The following PIK3CB variants were observed in gnomAD, a reference collection of about 807,000 sequenced individuals.
The protein encoded by PIK3CB is phosphatidylinositol-4,5-bisphosphate 3-kinase catalytic subunit beta, also known as phosphatidylinositol 4,5-bisphosphate 3-kinase catalytic subunit beta isoform.
In PIK3CB, 39 loss-of-function variants were observed where a neutral mutation model predicts 136.8. The ratio of observed to expected loss-of-function variants is 0.29; its 90% CI spans 0.22 to 0.37. The LOEUF is 0.37. PIK3CB is among the 10% of genes least tolerant of loss of function. The pLI is 1.00. For synonymous variants in PIK3CB, 428 were observed against 436.6 expected (o/e 0.98, Z 0.25); for missense variants, 868 against 1,275.4 (o/e 0.68, Z 4.87).
rs757855105 is a variant in PIK3CB at position 138,734,760 on chromosome 3, T to C, written c.846A>G (p.Ile282Met). Reference protein sequence around the residue: ...CVMNRALPHFILVECCKIKKM... With the variant: ...CVMNRALPHFMLVECCKIKKM... ...TCTTGATCTTGCAGCATTCCACAAG[T>C]ATAAAATGGGGCAGGGCTCTGTTCA... Residue 282 changes from isoleucine to methionine, a missense_variant, in exon 7 of 24, where the codon ATA becomes ATG. Ile to Met is a conservative substitution (Grantham distance 10, BLOSUM62 1). Transcript: ENST00000674063. 6 of 1,613,356 alleles carry C rather than the reference T, an allele frequency of 3.7e-6. No individual in the cohort carries two copies. The African/African-American group carries it at 5.3e-5, about 14-fold the overall frequency.
At chr3:138,669,969 TA>T (rs1003142108) in intron 19 of PIK3CB, among the ~76,000 whole-genome samples, 1 of 151,652 alleles carries the variant, frequency 6.6e-6, no homozygotes, top group African/African-American at 2.4e-5. Flanking sequence ...GAAATGAACT[TA>T]AAAAAAAATT....
At chr3:138,819,144 C>A (rs1352103492) in intron 1 of PIK3CB, among the ~76,000 whole-genome samples, 3 of 152,088 alleles carry the variant, frequency 2.0e-5, no homozygotes, top group Non-Finnish European at 4.4e-5. Context: ...GTCTGGAGAT[C>A]GAGACCATCC....
chr3:138,655,894 T>G, intron 23 of PIK3CB, among the ~76,000 whole-genome samples: 1 of 152,104 alleles, frequency 6.6e-6, no homozygotes, highest in East Asian at 1.9e-4. Flanking sequence ...GTAATGTGAG[T>G]AAGAAGGCTA....
At chr3:138,759,481 G>T in intron 2 of PIK3CB, 122 bp from the exon 3 acceptor site, 1 of 562,662 alleles carries the variant, frequency 1.8e-6, no homozygotes. Flanking sequence ...AATGTAACAG[G>T]AGGCCAATTA....
intron 1 of PIK3CB, among the ~76,000 whole-genome samples, chr3:138,833,287 GA>G (rs1473250046): frequency 6.6e-6 from 1 of 151,696 alleles, no homozygotes; most frequent in African/African-American, 2.4e-5. Context: ...GGCTGGTGTC[GA>G]ACTCCTGGAA....
chr3:138,686,592 A>G (rs1018748820), intron 16 of PIK3CB, among the ~76,000 whole-genome samples: 3 of 152,208 alleles, frequency 2.0e-5, no homozygotes, highest in Non-Finnish European at 4.4e-5. Flanking sequence ...TATATCATTA[A>G]AACTGGAAAA....
intron 8 of PIK3CB, among the ~76,000 whole-genome samples, chr3:138,727,811 A>G (rs1690171377): frequency 6.6e-6 from 1 of 152,198 alleles, no homozygotes; most frequent in South Asian, 2.1e-4. Flanking sequence ...AAATCTGTCT[A>G]CCATACCCAT....
intron 19 of PIK3CB, among the ~76,000 whole-genome samples, chr3:138,677,664 A>G (rs1014304611): frequency 7.2e-5 from 11 of 152,322 alleles, no homozygotes; most frequent in African/African-American, 2.4e-4. Context: ...TGGGAGGCCA[A>G]GGCGGGCGGA....
intron 1 of PIK3CB, among the ~76,000 whole-genome samples, chr3:138,804,842 G>GT (rs1297769569): frequency 6.6e-6 from 1 of 151,928 alleles, no homozygotes; most frequent in East Asian, 1.9e-4. Flanking sequence ...GGCTAACATG[G>GT]TGAAACCCCG....
chr3:138,723,507 G>T (rs955543903), intron 8 of PIK3CB, among the ~76,000 whole-genome samples: 3 of 152,106 alleles, frequency 2.0e-5, no homozygotes, highest in Admixed American at 1.3e-4. Flanking sequence ...GCCAAGACGT[G>T]TCACTGCACT....
intron 19 of PIK3CB, among the ~76,000 whole-genome samples, chr3:138,679,172 A>C (rs2108469546): frequency 6.6e-6 from 1 of 152,324 alleles, no homozygotes; most frequent in South Asian, 2.1e-4. Flanking sequence ...TTATAATAGG[A>C]GCTTGTAACA....
intron 1 of PIK3CB, among the ~76,000 whole-genome samples, chr3:138,827,967 G>A (rs1384686591): frequency 6.6e-6 from 1 of 151,588 alleles, no homozygotes; most frequent in Admixed American, 6.6e-5. Flanking sequence ...CAACCTGGGT[G>A]ACAGAGCGAG....
rs376905725 is a variant in PIK3CB at position 138,688,912 on chromosome 3, C to T, written c.2099G>A (p.Arg700Gln). 26 of 1,613,394 alleles carry T rather than the reference C, an allele frequency of 1.6e-5. No individual in the cohort carries two copies. The highest frequency in any genetic ancestry group is 5.0e-5 in the Admixed American group (3 of 59,992). ...CACTTTCATGTGCCCCACACTTCCC[C>T]GGCAGTATGCTTCAAGGATGACACC... ...QFGVILEAYC[R>Q]GSVGHMKVLS... The change falls in exon 16 of 24, where the codon CGG (arginine) becomes CAG (glutamine). Residue 700 changes from arginine to glutamine, a missense_variant. Transcript: ENST00000674063.
intron 8 of PIK3CB, among the ~76,000 whole-genome samples, chr3:138,715,228 A>G (rs576398078): frequency 3.0e-4 from 46 of 152,382 alleles, no homozygotes; most frequent in African/African-American, 1.1e-3. Flanking sequence ...TATTCCATCC[A>G]TATCTTGATT....
At chr3:138,779,769 T>A (rs563148325) in intron 2 of PIK3CB, among the ~76,000 whole-genome samples, 2 of 149,950 alleles carry the variant, frequency 1.3e-5, no homozygotes, top group East Asian at 4.0e-4. Flanking sequence ...GCTCAAGCAA[T>A]CCTCCTGCTT....
rs2108380248 is a variant in PIK3CB at position 138,655,311 on chromosome 3, G to C, written c.*78C>G. 2.9e-6 allele frequency: 4 copies of C among 1,371,030 alleles called. No homozygotes were observed. The highest frequency in any genetic ancestry group is 4.1e-6 in the Non-Finnish European group (4 of 970,228). 84.9% of individuals were successfully genotyped at this position (1,371,030 alleles called of 1,614,324 possible). On this transcript the variant is annotated 3_prime_UTR_variant, in exon 24 of 24. Coordinates refer to ENST00000674063, the MANE Select transcript of PIK3CB (RefSeq NM_006219.3). ...ATTCCCTTTATAACATCTCTAACAG[G>C]GTCATGTTCAATTTAGTGCAAGTGC...
At chr3:138,797,816 G>C (rs1486667191) in intron 1 of PIK3CB, among the ~76,000 whole-genome samples, 1 of 152,068 alleles carries the variant, frequency 6.6e-6, no homozygotes, top group Non-Finnish European at 1.5e-5. Context: ...AGGGCCAGGA[G>C]TGGAGACATG....
intron 4 of PIK3CB, among the ~76,000 whole-genome samples, chr3:138,747,928 T>A (rs528708669): frequency 5.3e-5 from 8 of 152,318 alleles, no homozygotes; most frequent in African/African-American, 1.9e-4. Context: ...CAAAAACTTA[T>A]GATTATTCCA....
chr3:138,796,132 C>T (rs2046105631), intron 2 of PIK3CB, among the ~76,000 whole-genome samples: 1 of 152,100 alleles, frequency 6.6e-6, no homozygotes, highest in South Asian at 2.1e-4. Flanking sequence ...CCTGTAATCC[C>T]AGCACTTTGG....
Sources: gnomAD v4.1 joint callset for allele counts (sites outside exome capture counted in the v4.1 genomes callset) on GRCh38, gnomAD v4.1.1 for gene constraint, MANE v1.5 for transcripts, NCBI Gene and HGNC (gene_info 2026-07-23, HGNC 2026-07-21) for gene names.